Variants in EXOC6 observed in about 807,000 individuals in gnomAD.
EXOC6 encodes exocyst complex component 6.
A neutral mutation model predicts 112.5 loss-of-function variants in EXOC6; 60 were observed. The ratio of observed to expected loss-of-function variants is 0.53; its 90% CI spans 0.43 to 0.66. The LOEUF (loss-of-function observed/expected upper bound fraction) is 0.66, where lower values mean the gene tolerates loss of function less well. EXOC6 is among the 30% of genes least tolerant of loss of function. The pLI, the probability that EXOC6 is intolerant of heterozygous loss-of-function variation, is 0.00. For synonymous variants in EXOC6, 295 were observed against 308.0 expected (o/e 0.96, Z 0.44); for missense variants, 855 against 957.1 (o/e 0.89, Z 1.41).
chr10:93,044,142 T>C (rs1434236773), intron 20 of EXOC6, among the ~76,000 whole-genome samples: 1 of 152,240 alleles, frequency 6.6e-6, no homozygotes, highest in Non-Finnish European at 1.5e-5. Context: ...TGTTTAATTG[T>C]GCTTTGAGGC....
upstream of EXOC6, among the ~76,000 whole-genome samples, chr10:92,845,648 T>A (rs1847023446): frequency 6.6e-6 from 1 of 151,632 alleles, no homozygotes; most frequent in Non-Finnish European, 1.5e-5. Context: ...GATTAAAATG[T>A]ACAGTTAGGG....
chr10:92,984,435 A>G (rs1842928858), intron 18 of EXOC6, among the ~76,000 whole-genome samples: 1 of 151,856 alleles, frequency 6.6e-6, no homozygotes, highest in Non-Finnish European at 1.5e-5. Context: ...TGCTCTCTAG[A>G]ATTGGGGCAT....
chr10:92,860,231 A>G (rs1377054060), intron 1 of EXOC6, among the ~76,000 whole-genome samples: 3 of 145,346 alleles, frequency 2.1e-5, no homozygotes, highest in Non-Finnish European at 4.5e-5. Flanking sequence ...TACAATTTAC[A>G]TTGTTCTGCC....
chr10:93,024,164 G>A (rs1012654096), intron 20 of EXOC6, among the ~76,000 whole-genome samples: 3 of 152,170 alleles, frequency 2.0e-5, no homozygotes, highest in African/African-American at 7.2e-5. Context: ...TATTTCATTT[G>A]ATCGTATCTT....
At chr10:93,040,814 C>T (rs899245924) in intron 20 of EXOC6, among the ~76,000 whole-genome samples, 1 of 152,138 alleles carries the variant, frequency 6.6e-6, no homozygotes, top group East Asian at 1.9e-4. Context: ...CTTTAAAATT[C>T]TCTCGTCTTC....
intron 7 of EXOC6, among the ~76,000 whole-genome samples, chr10:92,919,345 A>G (rs1043799577): frequency 1.2e-4 from 18 of 152,228 alleles, no homozygotes; most frequent in African/African-American, 3.4e-4. Context: ...GGAGATTCAC[A>G]TGAGTACAAA....
intron 1 of EXOC6, among the ~76,000 whole-genome samples, chr10:92,864,998 A>G (rs1848109101): frequency 6.6e-6 from 1 of 152,200 alleles, no homozygotes. Flanking sequence ...TTATGTTAAC[A>G]TGCATTGCAT....
chr10:92,974,325 C>G (rs1388174378), intron 18 of EXOC6, 93 bp downstream of exon 18: 2 of 652,284 alleles, frequency 3.1e-6, no homozygotes, highest in Admixed American at 7.6e-5. Flanking sequence ...AAACCAACTT[C>G]TTGGAGTGCA....
At chr10:92,927,541 G>C (rs1341391652) in intron 8 of EXOC6, among the ~76,000 whole-genome samples, 3 of 152,314 alleles carry the variant, frequency 2.0e-5, no homozygotes, top group East Asian at 1.9e-4. Context: ...AAATGTAAAA[G>C]TCAGTGTCTC....
At chr10:92,890,977 G>A (rs1442779791) in intron 1 of EXOC6, among the ~76,000 whole-genome samples, 1 of 152,164 alleles carries the variant, frequency 6.6e-6, no homozygotes, top group Non-Finnish European at 1.5e-5. Flanking sequence ...AAGGGAACAA[G>A]GATGGAATCA....
chr10:92,963,147 T>A (rs1854109434), intron 17 of EXOC6, among the ~76,000 whole-genome samples: 1 of 152,250 alleles, frequency 6.6e-6, no homozygotes, highest in Non-Finnish European at 1.5e-5. Context: ...TCATATTTAT[T>A]CATCTTATGT....
At chr10:92,930,849 C>T (rs1028433242) in intron 9 of EXOC6, among the ~76,000 whole-genome samples, 1 of 152,094 alleles carries the variant, frequency 6.6e-6, no homozygotes, top group Non-Finnish European at 1.5e-5. Context: ...AAAGCTGGCT[C>T]ATGCCTGTAA....
intron 20 of EXOC6, among the ~76,000 whole-genome samples, chr10:93,051,710 G>T (rs1006372610): frequency 4.6e-5 from 7 of 152,142 alleles, no homozygotes; most frequent in African/African-American, 1.7e-4. Context: ...AGCTAATTTA[G>T]TAAGACCCAT....
intron 5 of EXOC6, chr10:92,900,607 G>T (rs1589795193): frequency 6.8e-6 from 1 of 147,376 alleles, no homozygotes. Context: ...TTAAATCAAT[G>T]TTATATATCC....
intron 12 of EXOC6, among the ~76,000 whole-genome samples, chr10:92,938,372 T>C (rs947461432): frequency 2.6e-5 from 4 of 152,142 alleles, no homozygotes; most frequent in East Asian, 1.9e-4. Flanking sequence ...GTCTATCTTA[T>C]ACTGAATTAA....
At chr10:92,986,368 G>A (rs1843008327) in intron 18 of EXOC6, among the ~76,000 whole-genome samples, 1 of 152,132 alleles carries the variant, frequency 6.6e-6, no homozygotes. Flanking sequence ...CTAGAAAAAA[G>A]TTAGTGTTTA....
intron 12 of EXOC6, among the ~76,000 whole-genome samples, chr10:92,936,601 C>A (rs904162046): frequency 2.0e-5 from 3 of 152,108 alleles, no homozygotes; most frequent in African/African-American, 7.2e-5. Context: ...TCAAAACAAA[C>A]AAAAAACACG....
At position 92,848,585 on chromosome 10, in the gene EXOC6, T is replaced by C; in HGVS notation, c.52T>C (p.Leu18=). ...LGTVPEHERI[L]QEIESTDTAC... is the part of the protein sequence containing the mutation. ...CACCGTCCCCGAGCACGAGCGGATC[T>C]TGCAGGAGATCGAGAGCACCGACAC... The change falls in exon 1 of 22, where the codon TTG becomes CTG. Residue 18 remains leucine (L), a synonymous_variant. Transcript: ENST00000260762. 1 of 1,453,310 alleles carries C rather than the reference T, an allele frequency of 6.9e-7. No individual in the cohort carries two copies. 90.0% of individuals were successfully genotyped at this position (1,453,310 alleles called of 1,614,324 possible).
chr10:93,034,324 T>G (rs1845410097), intron 20 of EXOC6, among the ~76,000 whole-genome samples: 1 of 152,214 alleles, frequency 6.6e-6, no homozygotes, highest in African/African-American at 2.4e-5. Context: ...TCCACCAGTC[T>G]TGCTTGAAAA....
Sources: allele counts gnomAD v4.1 joint callset (sites outside exome capture counted in the v4.1 genomes callset), GRCh38; gene constraint gnomAD v4.1.1; transcripts MANE v1.5; gene names NCBI Gene and HGNC (gene_info 2026-07-23, HGNC 2026-07-21).